GPC5: variants seen among roughly 807,000 people sequenced by gnomAD.
The protein encoded by GPC5 is glypican 5, also known as glypican-5.
A neutral mutation model predicts 53.9 loss-of-function variants in GPC5; 47 were observed. The observed-to-expected ratio is 0.87, with a 90% CI of 0.69 to 1.11. The LOEUF (loss-of-function observed/expected upper bound fraction) is 1.11, where lower values mean the gene tolerates loss of function less well. GPC5 is among the 50% of genes most tolerant of loss of function. The pLI is 0.00. For synonymous variants in GPC5, 286 were observed against 263.3 expected (o/e 1.09, Z -0.84); for missense variants, 748 against 713.1 (o/e 1.05, Z -0.56).
intron 6 of GPC5, among the ~76,000 whole-genome samples, chr13:91,983,760 G>T (rs982515679): frequency 2.0e-5 from 3 of 152,240 alleles, no homozygotes; most frequent in African/African-American, 7.2e-5. Context: ...ACTACCTACT[G>T]TCCAGGGGTG....
intron 7 of GPC5, among the ~76,000 whole-genome samples, chr13:92,842,432 G>A (rs1382630582): frequency 6.6e-6 from 1 of 151,994 alleles, no homozygotes; most frequent in Non-Finnish European, 1.5e-5. Context: ...CACAGCCTGG[G>A]GACCACCAAG....
At chr13:92,467,349 G>T (rs997257840) in intron 7 of GPC5, among the ~76,000 whole-genome samples, 1 of 152,096 alleles carries the variant, frequency 6.6e-6, no homozygotes, top group Non-Finnish European at 1.5e-5. Flanking sequence ...AATCAAACTG[G>T]AAATCTAAAG....
chr13:91,772,525 TCTTCC>T (rs1377879929), intron 5 of GPC5, among the ~76,000 whole-genome samples: 2 of 152,192 alleles, frequency 1.3e-5, no homozygotes, highest in Non-Finnish European at 2.9e-5. Context: ...AGAACTCTAC[TCTTCC>T]CTTATAATTT....
chr13:92,117,148 T>C (rs547606483), intron 6 of GPC5, among the ~76,000 whole-genome samples: 1 of 152,328 alleles, frequency 6.6e-6, no homozygotes, highest in African/African-American at 2.4e-5. Flanking sequence ...TAAAAGTTTA[T>C]AGTTATCATT....
intron 7 of GPC5, among the ~76,000 whole-genome samples, chr13:92,619,657 T>A (rs563607519): frequency 1.3e-5 from 2 of 152,082 alleles, no homozygotes; most frequent in African/African-American, 4.8e-5. Flanking sequence ...TAAAAAATGA[T>A]TGTGAAACAT....
chr13:92,360,365 A>G (rs1465772331), intron 7 of GPC5, among the ~76,000 whole-genome samples: 2 of 151,754 alleles, frequency 1.3e-5, no homozygotes, highest in Non-Finnish European at 2.9e-5. Context: ...AAACAGAACT[A>G]AAGATAAAAA....
rs368821081 is a variant in GPC5, at chr13:92,684,026, A to G, written c.1562-182256A>G. Among the ~76,000 whole-genome samples, 6 of 152,272 alleles carry G rather than the reference A, an allele frequency of 3.9e-5. 1 individual carries two copies. In the South Asian group the frequency reaches 1.2e-3, roughly 32 times the overall value. On this transcript the variant is annotated intron_variant, in intron 7 of 7. Transcript: ENST00000377067. ...CATCATGACAATATTACACAGAATA[A>G]TAGTTTAACTGCCCTAAAAATCCCC... is the stretch of plus-strand genomic sequence containing the variant.
chr13:92,310,478 C>T (rs2043138210), intron 7 of GPC5, among the ~76,000 whole-genome samples: 1 of 152,148 alleles, frequency 6.6e-6, no homozygotes, highest in Non-Finnish European at 1.5e-5. Flanking sequence ...ACAGTAACAG[C>T]TGTACCTTTC....
chr13:91,430,823 C>T (rs966631658), intron 1 of GPC5, among the ~76,000 whole-genome samples: 1 of 152,080 alleles, frequency 6.6e-6, no homozygotes, highest in Non-Finnish European at 1.5e-5. Flanking sequence ...GCGTGTTAAA[C>T]ATGGTGGCAG....
intron 5 of GPC5, among the ~76,000 whole-genome samples, chr13:91,826,059 A>G (rs1191970795): frequency 6.6e-6 from 1 of 152,092 alleles, no homozygotes; most frequent in Non-Finnish European, 1.5e-5. Flanking sequence ...CTTCAGAGGA[A>G]GATAACAGAG....
chr13:92,295,414 T>C (rs2043027690), intron 7 of GPC5, among the ~76,000 whole-genome samples: 1 of 152,156 alleles, frequency 6.6e-6, no homozygotes, highest in Non-Finnish European at 1.5e-5. Context: ...TTAAAATTTA[T>C]TGAGGCTCAT....
intron 7 of GPC5, among the ~76,000 whole-genome samples, chr13:92,654,088 C>A (rs1188902377): frequency 6.6e-6 from 1 of 152,216 alleles, no homozygotes; most frequent in East Asian, 1.9e-4. Flanking sequence ...TCGGTCCATT[C>A]ACAATACTTT....
chr13:91,717,856 G>T (rs926587138), intron 3 of GPC5, among the ~76,000 whole-genome samples: 1 of 151,482 alleles, frequency 6.6e-6, no homozygotes. Flanking sequence ...CGCCTGGCCT[G>T]CTTGCACATT....
At chr13:91,606,622 A>G (rs2033377563) in intron 2 of GPC5, among the ~76,000 whole-genome samples, 1 of 148,524 alleles carries the variant, frequency 6.7e-6, no homozygotes, top group Non-Finnish European at 1.5e-5. Flanking sequence ...GATTATTGCC[A>G]CAATTTCAGC....
intron 6 of GPC5, among the ~76,000 whole-genome samples, chr13:92,008,098 T>C (rs1167049601): frequency 6.7e-6 from 1 of 148,444 alleles, no homozygotes; most frequent in Non-Finnish European, 1.5e-5. Context: ...AGTCTCGCTC[T>C]GTCGCCCAGG....
intron 7 of GPC5, among the ~76,000 whole-genome samples, chr13:92,767,221 C>T (rs1875437194): frequency 6.6e-6 from 1 of 152,128 alleles, no homozygotes; most frequent in South Asian, 2.1e-4. Flanking sequence ...CCTGTAATCC[C>T]AGCACTTTGG....
intron 7 of GPC5, among the ~76,000 whole-genome samples, chr13:92,388,286 T>A (rs992176861): frequency 6.6e-6 from 1 of 151,968 alleles, no homozygotes; most frequent in African/African-American, 2.4e-5. Context: ...TATATAAGAG[T>A]GGAAATGGAT....
intron 7 of GPC5, among the ~76,000 whole-genome samples, chr13:92,275,959 A>G (rs1207405095): frequency 1.3e-5 from 2 of 152,078 alleles, no homozygotes; most frequent in Non-Finnish European, 2.9e-5. Flanking sequence ...GCTTATTTCA[A>G]AGGAAAACAT....
At chr13:92,192,076 G>T (rs757827544) in intron 7 of GPC5, among the ~76,000 whole-genome samples, 2 of 152,158 alleles carry the variant, frequency 1.3e-5, no homozygotes, top group Non-Finnish European at 2.9e-5. Flanking sequence ...GTTGCTAAGG[G>T]TTAGGAGGTG....
Sources: allele counts gnomAD v4.1 joint callset (sites outside exome capture counted in the v4.1 genomes callset), GRCh38; gene constraint gnomAD v4.1.1; transcripts MANE v1.5; gene names NCBI Gene and HGNC (gene_info 2026-07-23, HGNC 2026-07-21).